The following LSAMP variants were observed in gnomAD, a reference collection of about 807,000 sequenced individuals.
LSAMP encodes limbic system-associated membrane protein.
LSAMP carries 7 observed loss-of-function variants against 38.6 expected under a neutral mutation model. That is an observed-to-expected ratio of 0.18 (90% CI 0.10 to 0.34). The LOEUF is 0.34. Ranked by LOEUF, LSAMP falls within the 10% of genes least tolerant of loss-of-function variation. The pLI is 1.00. For missense variants in LSAMP, 313 were observed against 420.0 expected (o/e 0.75, Z 2.23); for synonymous variants, 154 against 166.8 (o/e 0.92, Z 0.59).
chr3:115,971,957 T>C (rs897385086), intron 3 of LSAMP, among the ~76,000 whole-genome samples: 1 of 152,144 alleles, frequency 6.6e-6, no homozygotes, highest in African/African-American at 2.4e-5. Context: ...TTCCACATTT[T>C]TTGGCTACTA....
At chr3:116,273,812 T>TC (rs201837410) in intron 1 of LSAMP, among the ~76,000 whole-genome samples, 29,839 of 139,694 alleles carry the variant, frequency 0.21, 3,491 homozygotes, top group African/African-American at 0.26. Flanking sequence ...TTTTTCTTTC[T>TC]TTCTCTCTCT....
At chr3:116,187,302 G>A (rs1184593113) in intron 1 of LSAMP, among the ~76,000 whole-genome samples, 1 of 152,134 alleles carries the variant, frequency 6.6e-6, no homozygotes, top group Non-Finnish European at 1.5e-5. Context: ...ATCCATGTGG[G>A]TATCTTTGAG....
chr3:116,174,030 T>C (rs997832639), intron 1 of LSAMP, among the ~76,000 whole-genome samples: 1 of 151,954 alleles, frequency 6.6e-6, no homozygotes, highest in Non-Finnish European at 1.5e-5. Flanking sequence ...AATCAGAAAA[T>C]GCCAGATTTG....
chr3:116,031,538 C>CTT lies in LSAMP; in HGVS notation c.389-11900_389-11899dup, dbSNP rs56951507. 5.0e-5 allele frequency among the ~76,000 whole-genome samples: 3 copies of CTT among 60,278 alleles called. 1 individual carries two copies. Among genetic ancestry groups the CTT allele is most frequent in the Non-Finnish European group, 9.5e-5 (3 of 31,522 alleles). 39.5% of individuals were successfully genotyped at this position (60,278 alleles called of 152,430 possible). On this transcript the variant is annotated intron_variant, in intron 2 of 6. Transcript: ENST00000490035. Reference sequence around the variant, plus strand: ...CATGCCTACATAACTAGCCTAAATTCTTTTTTTTTTTTTTTTTTTTTTTTT... The same window carrying CTT: ...CATGCCTACATAACTAGCCTAAATTCTTTTTTTTTTTTTTTTTTTTTTTTTTT...
At chr3:116,094,220 A>T (rs1296004843) in intron 1 of LSAMP, among the ~76,000 whole-genome samples, 1 of 152,214 alleles carries the variant, frequency 6.6e-6, no homozygotes, top group East Asian at 1.9e-4. Flanking sequence ...AGAAATAAAA[A>T]AAGAACTGTG....
intron 1 of LSAMP, among the ~76,000 whole-genome samples, chr3:116,117,343 T>C (rs932007847): frequency 1.3e-5 from 2 of 152,156 alleles, no homozygotes; most frequent in Non-Finnish European, 2.9e-5. Context: ...ATTTTTAAAA[T>C]AAACTATTTT....
At chr3:115,869,905 C>A (rs1935978676) in intron 3 of LSAMP, among the ~76,000 whole-genome samples, 1 of 151,612 alleles carries the variant, frequency 6.6e-6, no homozygotes, top group Non-Finnish European at 1.5e-5. Context: ...TTATTTTTTC[C>A]CAAATTTGGG....
intron 3 of LSAMP, among the ~76,000 whole-genome samples, chr3:115,978,159 C>A (rs775602386): frequency 6.6e-6 from 1 of 151,966 alleles, no homozygotes; most frequent in Non-Finnish European, 1.5e-5. Flanking sequence ...GCCACCACGC[C>A]CAGCGACTTC....
chr3:116,435,670 C>G (rs573174886), intron 1 of LSAMP, among the ~76,000 whole-genome samples: 17 of 152,258 alleles, frequency 1.1e-4, no homozygotes, highest in African/African-American at 3.6e-4. Flanking sequence ...CCACCATCAG[C>G]TTCATTGTTA....
intron 2 of LSAMP, among the ~76,000 whole-genome samples, chr3:116,053,826 T>G (rs559783621): frequency 1.6e-4 from 24 of 152,280 alleles, no homozygotes; most frequent in African/African-American, 5.8e-4. Flanking sequence ...GAAAGGCAGC[T>G]CTAATAATGA....
At chr3:115,978,018 T>G (rs1939241982) in intron 3 of LSAMP, among the ~76,000 whole-genome samples, 2 of 152,120 alleles carry the variant, frequency 1.3e-5, no homozygotes, top group Admixed American at 6.6e-5. Flanking sequence ...TCCTTTCTCT[T>G]TCTATCTTTT....
At position 115,805,895 on chromosome 3, in the gene LSAMP, A is replaced by G. The variant is rs910630984; in HGVS notation, c.*4422T>C. On this transcript the variant is annotated 3_prime_UTR_variant, in exon 7 of 7. Transcript: ENST00000490035. Reference sequence around the variant, plus strand: ...GCAGTCTTTGGAGAAGAAATATTCTAAACATTTAAGCAAGGAGGAGGCTTC... The same window carrying G: ...GCAGTCTTTGGAGAAGAAATATTCTGAACATTTAAGCAAGGAGGAGGCTTC... 2 of 152,336 alleles carry G rather than the reference A, an allele frequency of 1.3e-5. No individual in the cohort carries two copies. The highest frequency in any genetic ancestry group is 3.4e-3 in the Middle Eastern group (1 of 294). The allele number at this position is 152,336 out of a possible 1,614,324, so 9.4% of individuals were successfully genotyped here.
intron 1 of LSAMP, among the ~76,000 whole-genome samples, chr3:116,259,749 C>T (rs960232823): frequency 2.0e-5 from 3 of 152,032 alleles, no homozygotes; most frequent in African/African-American, 7.2e-5. Context: ...GTACAAGTGA[C>T]TGGATAATAC....
At chr3:116,356,019 G>T (rs1239694725) in intron 1 of LSAMP, among the ~76,000 whole-genome samples, 2 of 152,070 alleles carry the variant, frequency 1.3e-5, no homozygotes, top group Non-Finnish European at 2.9e-5. Context: ...ATAGTTCAGA[G>T]GTTCCTCAAA....
chr3:116,109,278 C>T (rs536594866), intron 1 of LSAMP, among the ~76,000 whole-genome samples: 45 of 152,148 alleles, frequency 3.0e-4, no homozygotes, highest in Middle Eastern at 3.4e-3. Context: ...TAAGCCGGAC[C>T]AGGTGTGAGG....
At chr3:116,430,889 A>C (rs552476299) in intron 1 of LSAMP, among the ~76,000 whole-genome samples, 1 of 152,142 alleles carries the variant, frequency 6.6e-6, no homozygotes, top group African/African-American at 2.4e-5. Flanking sequence ...TGTCCTATTT[A>C]AATTATAAAC....
intron 1 of LSAMP, among the ~76,000 whole-genome samples, chr3:116,097,927 G>A (rs1708260217): frequency 6.6e-6 from 1 of 151,850 alleles, no homozygotes; most frequent in Non-Finnish European, 1.5e-5. Flanking sequence ...GTAAGATGGG[G>A]TTTCACTATG....
intron 1 of LSAMP, among the ~76,000 whole-genome samples, chr3:116,367,600 G>A (rs1387880912): frequency 6.6e-6 from 1 of 150,878 alleles, no homozygotes; most frequent in Non-Finnish European, 1.5e-5. Flanking sequence ...TGCCTCTCAG[G>A]TTCAAGCGAT....
chr3:116,421,052 A>T (rs2049116603), intron 1 of LSAMP, among the ~76,000 whole-genome samples: 2 of 152,216 alleles, frequency 1.3e-5, no homozygotes, highest in South Asian at 4.1e-4. Flanking sequence ...TCATAGACCC[A>T]AATGTAAGAG....
Sources: gnomAD v4.1 joint callset for allele counts (sites outside exome capture counted in the v4.1 genomes callset) on GRCh38, gnomAD v4.1.1 for gene constraint, MANE v1.5 for transcripts, NCBI Gene and HGNC (gene_info 2026-07-23, HGNC 2026-07-21) for gene names.